TSPAN13: variants seen among roughly 807,000 people sequenced by gnomAD.
TSPAN13 encodes the protein tetraspanin-13.
TSPAN13 carries 18 observed loss-of-function variants against 26.9 expected under a neutral mutation model. That is an observed-to-expected ratio of 0.67 (90% CI 0.46 to 0.99). The LOEUF (loss-of-function observed/expected upper bound fraction) is 0.99, where lower values mean the gene tolerates loss of function less well. Among genes scored for constraint, TSPAN13 ranks in the 50% least tolerant of loss-of-function variants. TSPAN13 has a pLI of 0.00. For synonymous variants in TSPAN13, 116 were observed against 98.4 expected, an observed-to-expected ratio of 1.18 and a Z score of -1.06; for missense variants, 201 against 249.6, an observed-to-expected ratio of 0.81 and a Z score of 1.31.
chr7:16,783,710 A>G lies in TSPAN13; in HGVS notation c.*219A>G. 1.1e-5 allele frequency: 6 copies of G among 556,426 alleles called. No individual in the cohort carries two copies. The highest frequency in any genetic ancestry group is 1.9e-5 in the Non-Finnish European group (6 of 314,656). 34.5% of individuals were successfully genotyped at this position (556,426 alleles called of 1,614,324 possible). On this transcript the variant is annotated 3_prime_UTR_variant, in exon 6 of 6. Transcript: ENST00000262067. ...CTTGTGGTCTCTGAAGCTCGGTGGCACCTGGAATTTACTGTATTCATTGTC... is the reference window on the plus strand; with the variant it reads ...CTTGTGGTCTCTGAAGCTCGGTGGCGCCTGGAATTTACTGTATTCATTGTC...
At chr7:16,779,797 A>G (rs1334989771) in intron 5 of TSPAN13, among the ~76,000 whole-genome samples, 3 of 144,756 alleles carry the variant, frequency 2.1e-5, no homozygotes, top group African/African-American at 5.1e-5. Context: ...TTTGAGATGG[A>G]GTCTTGCTCT....
chr7:16,782,378 A>G (rs1784822692), intron 5 of TSPAN13, among the ~76,000 whole-genome samples: 1 of 152,204 alleles, frequency 6.6e-6, no homozygotes, highest in African/African-American at 2.4e-5. Flanking sequence ...AAAAGGGCTA[A>G]TGGTGGCTAC....
At chr7:16,756,658 G>A (rs28621753) in intron 1 of TSPAN13, among the ~76,000 whole-genome samples, 16,996 of 152,186 alleles carry the variant, frequency 0.11, 1,897 homozygotes, top group African/African-American at 0.29. Context: ...GATTATTTTA[G>A]TTAATAGGAT....
At chr7:16,764,025 T>C (rs1752691491) in intron 1 of TSPAN13, among the ~76,000 whole-genome samples, 1 of 152,188 alleles carries the variant, frequency 6.6e-6, no homozygotes, top group Non-Finnish European at 1.5e-5. Context: ...TTCTTTATTT[T>C]TATTTTTATT....
rs1784759902 is a variant in TSPAN13 at position 16,777,095 on chromosome 7, T to C, written c.285T>C (p.Ala95=). The change falls in exon 3 of 6, where the codon GCT becomes GCC. Residue 95 remains alanine (A), a synonymous_variant. Transcript: ENST00000262067. ...TTGTTCAGTTTTCTGTATCTTGCGC[T>C]TGTTTAGCCCTGAACCAGGAGCAAC... ...VFIVQFSVSC[A]CLALNQEQQG... The C allele has an allele frequency of 1.2e-6, 2 of 1,613,360 alleles. No homozygotes were observed. Among genetic ancestry groups the C allele is most frequent in the South Asian group, 2.2e-5 (2 of 91,058 alleles).
intron 2 of TSPAN13, 98 bp from the exon 3 acceptor site, chr7:16,776,944 A>T: frequency 1.4e-6 from 1 of 703,386 alleles, no homozygotes; most frequent in Non-Finnish European, 2.4e-6. Context: ...TTCTGGGTTA[A>T]TTACTTCTTG....
chr7:16,769,244 G>A (rs1011843766), intron 1 of TSPAN13, among the ~76,000 whole-genome samples: 11 of 151,980 alleles, frequency 7.2e-5, no homozygotes, highest in Non-Finnish European at 1.6e-4. Context: ...GTAGAGTCAG[G>A]CTCAAGTTTT....
At chr7:16,773,015 A>G (rs1784698790) in intron 1 of TSPAN13, among the ~76,000 whole-genome samples, 1 of 152,040 alleles carries the variant, frequency 6.6e-6, no homozygotes, top group Non-Finnish European at 1.5e-5. Context: ...AAATAAAATA[A>G]AAAATAAATA....
intron 5 of TSPAN13, 74 bp from the exon 6 acceptor site, chr7:16,783,343 T>A: frequency 7.0e-7 from 1 of 1,437,866 alleles, no homozygotes. Flanking sequence ...AAAGTTATTT[T>A]ATTGATCAAC....
At chr7:16,773,032 A>G (rs1424894585) in intron 1 of TSPAN13, among the ~76,000 whole-genome samples, 2 of 151,888 alleles carry the variant, frequency 1.3e-5, no homozygotes, top group Non-Finnish European at 2.9e-5. Flanking sequence ...AATAAATAAT[A>G]AATACTTATT....
intron 1 of TSPAN13, among the ~76,000 whole-genome samples, chr7:16,770,902 G>A (rs561465850): frequency 2.6e-5 from 4 of 152,280 alleles, no homozygotes; most frequent in South Asian, 2.1e-4. Flanking sequence ...TGATAGGCTC[G>A]TGTTTCTCTT....
At chr7:16,763,314 T>A (rs1784567174) in intron 1 of TSPAN13, among the ~76,000 whole-genome samples, 1 of 152,200 alleles carries the variant, frequency 6.6e-6, no homozygotes, top group African/African-American at 2.4e-5. Context: ...ATAGGATCAG[T>A]GCAATTTTGC....
Position 16,783,634 on chromosome 7 carries a change from CTA to C in TSPAN13, c.*145_*146del. ...GATAGTGGAATTATATATTTTTACT[CTA>C]TGTTTCTCTACATGTTTTTTTCTTT... On this transcript the variant is annotated 3_prime_UTR_variant, in exon 6 of 6. Transcript: ENST00000262067. 1.4e-6 allele frequency: 1 copy of C among 739,236 alleles called. No individual in the cohort carries two copies. The highest frequency in any genetic ancestry group is 2.0e-5 in the South Asian group (1 of 49,038). 45.8% of individuals were successfully genotyped at this position (739,236 alleles called of 1,614,324 possible).
intron 1 of TSPAN13, among the ~76,000 whole-genome samples, chr7:16,768,772 C>G (rs747178105): frequency 1.3e-5 from 2 of 152,210 alleles, no homozygotes; most frequent in Non-Finnish European, 2.9e-5. Flanking sequence ...TCTCTGCTGA[C>G]TTAGAATTTT....
intron 1 of TSPAN13, among the ~76,000 whole-genome samples, chr7:16,774,462 G>T (rs1417440394): frequency 6.6e-6 from 1 of 152,120 alleles, no homozygotes; most frequent in Non-Finnish European, 1.5e-5. Context: ...CCTCCTTCAG[G>T]CTTCTGTCTT....
chr7:16,766,858 C>A (rs1281159230), intron 1 of TSPAN13, among the ~76,000 whole-genome samples: 2 of 152,182 alleles, frequency 1.3e-5, no homozygotes, highest in East Asian at 3.8e-4. Flanking sequence ...TAGGAAATTT[C>A]ATATGCTCAG....
chr7:16,782,178 C>T (rs1784820332), intron 5 of TSPAN13, among the ~76,000 whole-genome samples: 1 of 152,134 alleles, frequency 6.6e-6, no homozygotes, highest in African/African-American at 2.4e-5. Flanking sequence ...TCTTTTTCCC[C>T]ATTAGATGGA....
At chr7:16,764,104 G>C (rs769514699) in intron 1 of TSPAN13, among the ~76,000 whole-genome samples, 11 of 152,064 alleles carry the variant, frequency 7.2e-5, no homozygotes, top group Non-Finnish European at 1.2e-4. Flanking sequence ...CGCAACCTCT[G>C]CCTGTCGGGT....
At chr7:16,767,939 T>G (rs1784625594) in intron 1 of TSPAN13, among the ~76,000 whole-genome samples, 1 of 152,132 alleles carries the variant, frequency 6.6e-6, no homozygotes. Context: ...TGAGATGGAG[T>G]ATCGCTCTTG....
Sources: gnomAD v4.1 joint callset for allele counts (sites outside exome capture counted in the v4.1 genomes callset) on GRCh38, gnomAD v4.1.1 for gene constraint, MANE v1.5 for transcripts, NCBI Gene and HGNC (gene_info 2026-07-23, HGNC 2026-07-21) for gene names.